DBH: variants seen among roughly 807,000 people sequenced by gnomAD.
DBH encodes the protein dopamine beta-hydroxylase (dopamine beta-monooxygenase).
In DBH, 49 loss-of-function variants were observed where a neutral mutation model predicts 64.0. The ratio of observed to expected loss-of-function variants is 0.77; its 90% CI spans 0.61 to 0.97. DBH has a LOEUF of 0.97. DBH is among the 50% of genes least tolerant of loss of function. DBH has a pLI of 0.00. For synonymous variants in DBH, 343 were observed against 347.1 expected, an observed-to-expected ratio of 0.99 and a Z score of 0.13; for missense variants, 828 against 826.6, an observed-to-expected ratio of 1.00 and a Z score of -0.02.
chr9:133,650,370 G>A (rs1285004132), intron 6 of DBH, among the ~76,000 whole-genome samples: 1 of 152,162 alleles, frequency 6.6e-6, no homozygotes, highest in African/African-American at 2.4e-5. Context: ...CAGCGGGTGG[G>A]CAAAAGGACA....
intron 10 of DBH, 91 bp from the exon 11 acceptor site, chr9:133,656,979 G>C: frequency 6.9e-7 from 1 of 1,442,150 alleles, no homozygotes; most frequent in African/African-American, 1.4e-5. Flanking sequence ...CCCAGGGACA[G>C]GACTCGAGTT....
chr9:133,644,286 G>A lies in DBH; in HGVS notation c.990G>A (p.Leu330=), dbSNP rs1162987631. The change falls in exon 5 of 12, where the codon CTG becomes CTA. Residue 330 remains leucine (L), a synonymous_variant. Transcript: ENST00000393056. ...GGPGSSRYLR[L]EVHYHNPLVI... is the part of the protein sequence containing the mutation. ...CAGGGTCCTCCAGATATCTCCGCCTGGAAGTTCACTACCACAACCCACTGG... is the reference window on the plus strand; with the variant it reads ...CAGGGTCCTCCAGATATCTCCGCCTAGAAGTTCACTACCACAACCCACTGG... The A allele has an allele frequency of 4.3e-6, 7 of 1,614,180 alleles. No individual in the cohort carries two copies. Among genetic ancestry groups the A allele is most frequent in the African/African-American group, 1.3e-5 (1 of 75,042 alleles).
chr9:133,639,690 C>T (rs111578100), intron 1 of DBH, among the ~76,000 whole-genome samples, 156 bp from the exon 2 acceptor site: 1 of 152,338 alleles, frequency 6.6e-6, no homozygotes, highest in African/African-American at 2.4e-5. Context: ...GAAGCCACAG[C>T]CCCAGGCAGA....
At chr9:133,658,255 G>A in intron 11 of DBH, 61 bp from the exon 12 acceptor site, 1 of 1,600,794 alleles carries the variant, frequency 6.2e-7, no homozygotes, top group Non-Finnish European at 8.5e-7. Flanking sequence ...AAGTGGCTGG[G>A]GAAGCAGCCA....
At chr9:133,652,390 G>A in intron 8 of DBH, 106 bp downstream of exon 8, 1 of 1,389,792 alleles carries the variant, frequency 7.2e-7, no homozygotes, top group Non-Finnish European at 1.0e-6. Flanking sequence ...GTGATAGGGG[G>A]AGGGAGAGCC....
intron 1 of DBH, among the ~76,000 whole-genome samples, chr9:133,638,332 T>C (rs1244379335): frequency 2.0e-5 from 3 of 152,264 alleles, no homozygotes; most frequent in Non-Finnish European, 4.4e-5. Flanking sequence ...GTGGCTTTTT[T>C]CTCTAGGGAA....
chr9:133,656,317 C>T (rs982755640), intron 9 of DBH: 3 of 612,136 alleles, frequency 4.9e-6, no homozygotes, highest in Admixed American at 5.2e-5. Context: ...TACGAATTTC[C>T]TGGTTGACTC....
intron 3 of DBH, among the ~76,000 whole-genome samples, chr9:133,642,769 C>T (rs1318129290): frequency 6.6e-6 from 1 of 152,178 alleles, no homozygotes; most frequent in Non-Finnish European, 1.5e-5. Context: ...TGCCAGGCCA[C>T]CTCCCCCTTC....
chr9:133,641,962 A>G (rs1161282168), intron 2 of DBH, among the ~76,000 whole-genome samples: 4 of 152,218 alleles, frequency 2.6e-5, no homozygotes, highest in African/African-American at 7.2e-5. Context: ...AAGTGAATGT[A>G]GGTGGAATGT....
chr9:133,647,816 C>T (rs1564211372), intron 5 of DBH, 30 bp from the exon 6 acceptor site: 2 of 1,614,022 alleles, frequency 1.2e-6, no homozygotes, highest in African/African-American at 1.3e-5. Context: ...CCACTTACCG[C>T]TCACCTCCAT....
In DBH at chr9:133,642,453, C is replaced by T; in HGVS notation, c.733C>T (p.His245Tyr). The change falls in exon 3 of 12, where the codon CAC becomes TAC. Residue 245 changes from histidine (H) to tyrosine (Y), a missense_variant. Physicochemically the swap from His to Tyr is moderately conservative, Grantham distance 83. Transcript: ENST00000393056. Reference protein sequence around the residue: ...KELPKGFSRHHIIKYEPIVTK... With the variant: ...KELPKGFSRHYIIKYEPIVTK... ...GCTTCCAAAGGGCTTCTCTCGGCAC[C>T]ACATTATCAAGGTACGTGCGGGTCC... is the stretch of plus-strand genomic sequence containing the variant. 7 of 1,610,522 alleles carry T rather than the reference C, an allele frequency of 4.3e-6. No homozygotes were observed. The highest frequency in any genetic ancestry group is 5.9e-6 in the Non-Finnish European group (7 of 1,178,448).
intron 9 of DBH, among the ~76,000 whole-genome samples, chr9:133,654,145 C>G (rs545816129): frequency 9.0e-4 from 132 of 146,346 alleles, no homozygotes; most frequent in African/African-American, 3.4e-3. Context: ...GACGGAGTCT[C>G]GCTCTGTCAC....
In DBH at chr9:133,658,468, C is replaced by T; in HGVS notation, c.*21C>T. The T allele has an allele frequency of 7.5e-6, 12 of 1,591,998 alleles. No individual in the cohort carries two copies. The highest frequency in any genetic ancestry group is 9.4e-6 in the Non-Finnish European group (11 of 1,167,314). On this transcript the variant is annotated 3_prime_UTR_variant, in exon 12 of 12. Coordinates refer to ENST00000393056, the MANE Select transcript of DBH (RefSeq NM_000787.4). ...GCTGAGGGGGGACCTACTCCTCCCC[C>T]TCCTCCATGCTGTCCCTGTGGGCTC...
chr9:133,638,743 G>T (rs1032051219), intron 1 of DBH, among the ~76,000 whole-genome samples: 14 of 152,180 alleles, frequency 9.2e-5, no homozygotes, highest in African/African-American at 3.4e-4. Flanking sequence ...CTGACCATCT[G>T]TTTGAGCCTT....
rs2131285004 is a variant in DBH, at chr9:133,642,481, G to C, written c.744+17G>C. The stretch of plus-strand genomic sequence containing the variant: ...ATTATCAAGGTACGTGCGGGTCCAG[G>C]GCCGAGGTCCTCGCCCAGCCCTGCC... On this transcript the variant is annotated intron_variant, in intron 3 of 11. Coordinates refer to ENST00000393056, the MANE Select transcript of DBH (RefSeq NM_000787.4). 6.3e-7 allele frequency: 1 copy of C among 1,594,754 alleles called. No individual in the cohort carries two copies. The highest frequency in any genetic ancestry group is 2.3e-5 in the East Asian group (1 of 44,118).
At chr9:133,641,276 G>C (rs1247812057) in intron 2 of DBH, among the ~76,000 whole-genome samples, 1 of 152,234 alleles carries the variant, frequency 6.6e-6, no homozygotes, top group African/African-American at 2.4e-5. Context: ...GGTTCGGGGT[G>C]TGCTGGGGCA....
intron 6 of DBH, among the ~76,000 whole-genome samples, chr9:133,649,190 A>G (rs9657707): frequency 0.081 from 12,269 of 151,874 alleles, 1,078 homozygotes; most frequent in African/African-American, 0.22. Flanking sequence ...GTTCATTCCT[A>G]TGCTCGGTTT....
In DBH at chr9:133,657,334, C is replaced by T. The variant is rs150408248; in HGVS notation, c.1722+105C>T. 84 of 1,402,084 alleles carry T rather than the reference C, an allele frequency of 6.0e-5. 1 individual carries two copies. The African/African-American group carries it at 7.5e-4, about 13-fold the overall frequency. 86.9% of individuals were successfully genotyped at this position (1,402,084 alleles called of 1,614,324 possible). On this transcript the variant is annotated intron_variant, in intron 11 of 11. Coordinates refer to ENST00000393056, the MANE Select transcript of DBH (RefSeq NM_000787.4). Reference sequence around the variant, plus strand: ...ACTCCAAACTGCTGGCAAAAGCACTCGCACAAGACAATGAGAGCAAGTGCC... The same window carrying T: ...ACTCCAAACTGCTGGCAAAAGCACTTGCACAAGACAATGAGAGCAAGTGCC...
intron 9 of DBH, among the ~76,000 whole-genome samples, chr9:133,653,464 TGAG>T (rs1564213784): frequency 6.6e-6 from 1 of 151,890 alleles, no homozygotes; most frequent in Non-Finnish European, 1.5e-5. Flanking sequence ...AAAACCAGGT[TGAG>T]GAGGCAGAGG....
Sources: gnomAD v4.1 joint callset for allele counts (sites outside exome capture counted in the v4.1 genomes callset) on GRCh38, gnomAD v4.1.1 for gene constraint, MANE v1.5 for transcripts, NCBI Gene and HGNC (gene_info 2026-07-23, HGNC 2026-07-21) for gene names.